HSF5: variants seen among roughly 807,000 people sequenced by gnomAD.
The protein encoded by HSF5 is heat shock factor protein 5.
In HSF5, 5 loss-of-function variants were observed where a neutral mutation model predicts 50.8. That is an observed-to-expected ratio of 0.10 (90% CI 0.05 to 0.21). The LOEUF (loss-of-function observed/expected upper bound fraction) is 0.21. Among genes scored for constraint, HSF5 ranks in the 10% least tolerant of loss-of-function variants. The pLI is 1.00. For missense variants in HSF5, 564 were observed against 762.6 expected (o/e 0.74, Z 3.07); for synonymous variants, 307 against 307.4 (o/e 1.00, Z 0.02).
At position 58,421,674 on chromosome 17, in the gene HSF5, A is replaced by C. The variant is rs1030254322; in HGVS notation, c.*686T>G. ...TACCATTTATGATAATGTATCATTA[A>C]AATTAAAGAAAGATATGAAAATAGA... On this transcript the variant is annotated 3_prime_UTR_variant, in exon 6 of 6. Coordinates refer to ENST00000323777, the MANE Select transcript of HSF5 (RefSeq NM_001080439.3). The C allele has an allele frequency of 5.2e-5, 8 of 152,494 alleles. No homozygotes were observed. The highest frequency in any genetic ancestry group is 1.4e-4 in the African/African-American group (6 of 41,464). The allele number at this position is 152,494 out of a possible 1,614,324, so 9.4% of individuals were successfully genotyped here.
At chr17:58,454,048 T>G (rs1231654741) in intron 5 of HSF5, among the ~76,000 whole-genome samples, 1 of 151,928 alleles carries the variant, frequency 6.6e-6, no homozygotes, top group East Asian at 1.9e-4. Context: ...GAGCCGAGAT[T>G]GCGCCACTGC....
At chr17:58,476,640 T>C in intron 2 of HSF5, 2 of 1,552,208 alleles carry the variant, frequency 1.3e-6, no homozygotes, top group Non-Finnish European at 1.8e-6. Context: ...AATAATGCAG[T>C]GCCTCTTCGT....
chr17:58,466,502 G>A (rs1418165617), intron 3 of HSF5, among the ~76,000 whole-genome samples: 1 of 152,160 alleles, frequency 6.6e-6, no homozygotes, highest in African/African-American at 2.4e-5. Context: ...AAACTACTGA[G>A]CACTCAAAAT....
chr17:58,462,244 C>CTT (rs1197232715), intron 4 of HSF5, among the ~76,000 whole-genome samples: 4 of 152,140 alleles, frequency 2.6e-5, no homozygotes, highest in African/African-American at 9.7e-5. Flanking sequence ...AGGAATTAGC[C>CTT]TTTACCTTCT....
chr17:58,426,243 T>C (rs553741668), intron 5 of HSF5, among the ~76,000 whole-genome samples: 1 of 152,344 alleles, frequency 6.6e-6, no homozygotes, highest in South Asian at 2.1e-4. Context: ...GGCTTTAAAG[T>C]AGCATTTGGC....
At chr17:58,477,027 C>G (rs1282847752) in intron 2 of HSF5, 8 of 551,338 alleles carry the variant, frequency 1.5e-5, no homozygotes, top group Non-Finnish European at 2.6e-5. Context: ...TCACGGCACA[C>G]GCGCGGGCGC....
chr17:58,455,805 T>C (rs888738178), intron 5 of HSF5, among the ~76,000 whole-genome samples: 2 of 151,962 alleles, frequency 1.3e-5, no homozygotes, highest in East Asian at 3.9e-4. Context: ...CCAGTTAAAA[T>C]GGCTATTATA....
At chr17:58,438,778 T>A (rs1236160538) in intron 5 of HSF5, among the ~76,000 whole-genome samples, 1 of 151,994 alleles carries the variant, frequency 6.6e-6, no homozygotes, top group Non-Finnish European at 1.5e-5. Context: ...AGTAACTGGG[T>A]CATGAATCCA....
chr17:58,482,865 G>A (rs1039553241), intron 1 of HSF5, among the ~76,000 whole-genome samples: 3 of 151,154 alleles, frequency 2.0e-5, no homozygotes, highest in Admixed American at 2.0e-4. Flanking sequence ...ACTTGATCTT[G>A]GGAGGTCAAG....
intron 4 of HSF5, among the ~76,000 whole-genome samples, chr17:58,459,370 G>A (rs1180549120): frequency 1.3e-5 from 2 of 151,848 alleles, no homozygotes; most frequent in South Asian, 2.1e-4. Flanking sequence ...TTTGTAGGCC[G>A]GGCGCGGTAG....
At position 58,487,716 on chromosome 17, in the gene HSF5, C is replaced by T; in HGVS notation, c.550+9G>A. The T allele has an allele frequency of 1.4e-6, 2 of 1,390,200 alleles. No homozygotes were observed. The highest frequency in any genetic ancestry group is 1.8e-6 in the Non-Finnish European group (2 of 1,082,968). The allele number at this position is 1,390,200 out of a possible 1,614,324, so 86.1% of individuals were successfully genotyped here. A position where few individuals can be genotyped will look rare whatever the true frequency, so the allele number is the denominator to read the frequency against. ...ACTGTGGGCGAGGGCACGGGCAGTCCGGACTCACCGTGCGGCTCGGGCCGG... is the reference window on the plus strand; with the variant it reads ...ACTGTGGGCGAGGGCACGGGCAGTCTGGACTCACCGTGCGGCTCGGGCCGG... On this transcript the variant is annotated intron_variant, in intron 1 of 5. Transcript: ENST00000323777.
intron 2 of HSF5, among the ~76,000 whole-genome samples, chr17:58,471,454 A>G (rs1208295786): frequency 6.6e-6 from 1 of 152,192 alleles, no homozygotes; most frequent in Non-Finnish European, 1.5e-5. Flanking sequence ...AGAAGCATAA[A>G]GATCACACCT....
At chr17:58,436,922 T>C (rs2143740395) in intron 5 of HSF5, among the ~76,000 whole-genome samples, 1 of 140,816 alleles carries the variant, frequency 7.1e-6, no homozygotes, top group South Asian at 2.4e-4. Flanking sequence ...GAGGACCATA[T>C]TGACTAGTGA....
chr17:58,439,547 C>T (rs1328713471), intron 5 of HSF5, among the ~76,000 whole-genome samples: 2 of 151,906 alleles, frequency 1.3e-5, no homozygotes, highest in African/African-American at 2.4e-5. Context: ...TGCAATAGCG[C>T]GATCTCGGCT....
intron 1 of HSF5, among the ~76,000 whole-genome samples, chr17:58,481,323 C>G (rs1173395362): frequency 6.6e-6 from 1 of 152,064 alleles, no homozygotes; most frequent in Non-Finnish European, 1.5e-5. Flanking sequence ...GATTCTGATA[C>G]TTGTCTTCTC....
At chr17:58,487,597 C>T (rs1380877698) in intron 1 of HSF5, 128 bp downstream of exon 1, 11 of 1,284,620 alleles carry the variant, frequency 8.6e-6, no homozygotes, top group Non-Finnish European at 9.8e-6. Flanking sequence ...GCACAGCGGC[C>T]AATGGGTCCC....
rs887728457 is a variant in HSF5, at chr17:58,457,266, A to G, written c.1720+1502T>C. The stretch of plus-strand genomic sequence containing the variant: ...CAGAGCAAGACTCTGTCTCAGAAAA[A>G]AAAAATAATAATAATAATAAAGAAA... On this transcript the variant is annotated intron_variant, in intron 5 of 5. Coordinates refer to ENST00000323777, the MANE Select transcript of HSF5 (RefSeq NM_001080439.3). Among the ~76,000 whole-genome samples, 4 of 150,690 alleles carry G rather than the reference A, an allele frequency of 2.7e-5. No homozygotes were observed. In the East Asian group the frequency reaches 7.8e-4, roughly 30 times the overall value.
chr17:58,481,190 G>T (rs927952144), intron 1 of HSF5, among the ~76,000 whole-genome samples: 6 of 152,126 alleles, frequency 3.9e-5, no homozygotes, highest in Non-Finnish European at 8.8e-5. Flanking sequence ...CATTTTCCAT[G>T]ATTTTTCTTT....
chr17:58,441,623 A>G (rs1598184828), intron 5 of HSF5, among the ~76,000 whole-genome samples: 1 of 152,264 alleles, frequency 6.6e-6, no homozygotes, highest in Admixed American at 6.5e-5. Context: ...CCAAAAAAAA[A>G]GCATATCCCT....
Sources: gnomAD v4.1 joint callset for allele counts (sites outside exome capture counted in the v4.1 genomes callset) on GRCh38, gnomAD v4.1.1 for gene constraint, MANE v1.5 for transcripts, NCBI Gene and HGNC (gene_info 2026-07-23, HGNC 2026-07-21) for gene names.